The following CLSTN2 variants were observed in gnomAD, a reference collection of about 807,000 sequenced individuals.
CLSTN2 encodes calsyntenin 2, also known as calsyntenin-2.
A neutral mutation model predicts 101.2 loss-of-function variants in CLSTN2; 48 were observed. The ratio of observed to expected loss-of-function variants is 0.47; its 90% CI spans 0.38 to 0.60. The LOEUF (loss-of-function observed/expected upper bound fraction) is 0.60, where lower values mean the gene tolerates loss of function less well. CLSTN2 is among the 20% of genes least tolerant of loss of function. The probability of loss-of-function intolerance (pLI) is 0.00; values close to 1 mark genes in which losing one functional copy is unlikely to be tolerated. For synonymous variants in CLSTN2, 481 were observed against 463.6 expected (o/e 1.04, Z -0.48); for missense variants, 1,160 against 1,238.2 (o/e 0.94, Z 0.95).
At chr3:140,460,189 A>G (rs1360335231) in intron 7 of CLSTN2, 1 of 193,048 alleles carries the variant, frequency 5.2e-6, no homozygotes, top group East Asian at 1.2e-4. Flanking sequence ...TCTTTTGAAT[A>G]AAGTACTGCT....
intron 2 of CLSTN2, among the ~76,000 whole-genome samples, chr3:140,232,844 T>C (rs1328435109): frequency 6.6e-6 from 1 of 152,162 alleles, no homozygotes; most frequent in African/African-American, 2.4e-5. Context: ...TTTGTTATAC[T>C]ACCCCCTCTC....
chr3:140,384,815 C>T (rs796747914), intron 2 of CLSTN2, among the ~76,000 whole-genome samples: 1 of 152,204 alleles, frequency 6.6e-6, no homozygotes, highest in African/African-American at 2.4e-5. Flanking sequence ...CTTTCTTTAA[C>T]TTGAATTAAA....
chr3:140,522,340 G>A (rs1451723796), intron 8 of CLSTN2, among the ~76,000 whole-genome samples: 1 of 149,818 alleles, frequency 6.7e-6, no homozygotes, highest in Non-Finnish European at 1.5e-5. Flanking sequence ...TTGGCCCCCA[G>A]GTCCAGCCTC....
intron 2 of CLSTN2, among the ~76,000 whole-genome samples, chr3:140,290,378 A>G (rs6439914): frequency 0.053 from 8,116 of 152,176 alleles, 485 homozygotes; most frequent in African/African-American, 0.14. Flanking sequence ...GCATTAACAT[A>G]GTAGGAGGAG....
At chr3:140,034,774 C>T (rs1335078966) in intron 1 of CLSTN2, among the ~76,000 whole-genome samples, 1 of 152,220 alleles carries the variant, frequency 6.6e-6, no homozygotes, top group Non-Finnish European at 1.5e-5. Context: ...GAGATAGAGA[C>T]TGTAAGTCAA....
At chr3:140,101,940 A>C (rs761352971) in intron 1 of CLSTN2, among the ~76,000 whole-genome samples, 3 of 152,228 alleles carry the variant, frequency 2.0e-5, no homozygotes, top group Non-Finnish European at 4.4e-5. Flanking sequence ...AGGAGAGTAC[A>C]GGGATGTTTG....
intron 2 of CLSTN2, among the ~76,000 whole-genome samples, chr3:140,386,520 G>A (rs1045829344): frequency 3.9e-5 from 6 of 152,130 alleles, no homozygotes; most frequent in Non-Finnish European, 7.4e-5. Flanking sequence ...CACACTGTCC[G>A]CCCTGTCTCA....
At chr3:140,222,301 G>T (rs2086281559) in intron 2 of CLSTN2, among the ~76,000 whole-genome samples, 1 of 152,122 alleles carries the variant, frequency 6.6e-6, no homozygotes, top group Admixed American at 6.5e-5. Flanking sequence ...TAGAAGAATG[G>T]TTACAAGCGG....
At chr3:140,427,987 C>T (rs2088591376) in intron 5 of CLSTN2, among the ~76,000 whole-genome samples, 2 of 152,176 alleles carry the variant, frequency 1.3e-5, no homozygotes, top group Non-Finnish European at 2.9e-5. Flanking sequence ...TGGACCACAG[C>T]ACTGCAGAGG....
At position 140,077,700 on chromosome 3, in the gene CLSTN2, A is replaced by G. The variant is rs537750079; in HGVS notation, c.110-98251A>G. On this transcript the variant is annotated intron_variant, in intron 1 of 16. Transcript: ENST00000458420. ...CTCATGTAGAGGGGAGGAAAAAAAA[A>G]AAACCTCAAACCTTATAGTTTGAAA... Among the ~76,000 whole-genome samples the G allele has an allele frequency of 4.6e-5, 7 of 152,170 alleles. No individual in the cohort carries two copies. The East Asian group carries it at 1.4e-3, about 29-fold the overall frequency.
chr3:140,111,068 T>A (rs1238781039), intron 1 of CLSTN2, among the ~76,000 whole-genome samples: 8 of 152,214 alleles, frequency 5.3e-5, no homozygotes, highest in Non-Finnish European at 1.5e-5. Context: ...TTAATGTGTA[T>A]CACTCTATGC....
At chr3:140,343,392 C>G (rs975363681) in intron 2 of CLSTN2, among the ~76,000 whole-genome samples, 1 of 152,210 alleles carries the variant, frequency 6.6e-6, no homozygotes, top group African/African-American at 2.4e-5. Flanking sequence ...AAGCTCATTT[C>G]AAGCCAAACC....
intron 2 of CLSTN2, among the ~76,000 whole-genome samples, chr3:140,382,486 G>GTCAGGGAAGT (rs1559854432): frequency 6.6e-6 from 1 of 152,190 alleles, no homozygotes; most frequent in African/African-American, 2.4e-5. Context: ...AAGCAAATCT[G>GTCAGGGAAGT]TCAGGGAAGT....
chr3:140,197,576 G>A (rs1056200038), intron 2 of CLSTN2, among the ~76,000 whole-genome samples: 5 of 152,100 alleles, frequency 3.3e-5, no homozygotes, highest in Admixed American at 6.5e-5. Flanking sequence ...CGTTCTGATC[G>A]CTGGTTCTCA....
At chr3:140,123,426 G>A (rs955706240) in intron 1 of CLSTN2, among the ~76,000 whole-genome samples, 14 of 152,090 alleles carry the variant, frequency 9.2e-5, no homozygotes, top group Admixed American at 7.2e-4. Context: ...GGAGGGCACA[G>A]CACTGAAGGA....
At chr3:140,478,515 A>G (rs1034597845) in intron 8 of CLSTN2, among the ~76,000 whole-genome samples, 1 of 152,216 alleles carries the variant, frequency 6.6e-6, no homozygotes, top group African/African-American at 2.4e-5. Context: ...CTTAATTTAC[A>G]TTAAATTTCC....
chr3:140,181,342 A>T (rs2010404564), intron 2 of CLSTN2, among the ~76,000 whole-genome samples: 1 of 152,194 alleles, frequency 6.6e-6, no homozygotes, highest in Non-Finnish European at 1.5e-5. Flanking sequence ...GAGGGTAATC[A>T]GAGTAATTGA....
At chr3:140,202,928 A>G (rs753689484) in intron 2 of CLSTN2, among the ~76,000 whole-genome samples, 1 of 152,182 alleles carries the variant, frequency 6.6e-6, no homozygotes. Flanking sequence ...GGACGGTGCA[A>G]TGTGGGTGGA....
intron 2 of CLSTN2, among the ~76,000 whole-genome samples, chr3:140,363,662 C>G (rs1469470321): frequency 6.6e-6 from 1 of 152,156 alleles, no homozygotes; most frequent in Non-Finnish European, 1.5e-5. Flanking sequence ...ACATTCCACC[C>G]AAGCCGGGTT....
Sources: gnomAD v4.1 joint callset for allele counts (sites outside exome capture counted in the v4.1 genomes callset) on GRCh38, gnomAD v4.1.1 for gene constraint, MANE v1.5 for transcripts, NCBI Gene and HGNC (gene_info 2026-07-23, HGNC 2026-07-21) for gene names.